The following SLC31A2 variants were observed in gnomAD, a reference collection of about 807,000 sequenced individuals.
The protein encoded by SLC31A2 is solute carrier family 31 member 2, also known as protein SLC31A2.
Under a neutral mutation model 14.4 loss-of-function variants are expected in SLC31A2, and 16 were observed. That is an observed-to-expected ratio of 1.11 (90% CI 0.75 to 1.69). SLC31A2 has a LOEUF of 1.69. Among genes scored for constraint, SLC31A2 ranks in the 40% most tolerant of loss-of-function variants. The pLI is 0.00. For synonymous variants in SLC31A2, 56 were observed against 68.7 expected (o/e 0.82, Z 0.91); for missense variants, 140 against 173.9 (o/e 0.81, Z 1.10).
rs1829862723 is a variant in SLC31A2, at chr9:113,151,382, TCCGGGGCCCCCGG to T, written c.6+305_6+317del. The stretch of plus-strand genomic sequence containing the variant: ...GGCGCGGTGGCTGAAGACAGCTGGG[TCCGGGGCCCCCGG>T]CCCCGGACCTCTGGCCGGCGCCCCA... On this transcript the variant is annotated intron_variant, in intron 1 of 3. Coordinates refer to ENST00000259392, the MANE Select transcript of SLC31A2 (RefSeq NM_001860.3). This position sits in a 1 kb window ranked among gnomAD's most constrained non-coding sequence, Gnocchi z 4.2. Among the ~76,000 whole-genome samples, 1 of 148,176 alleles carries T rather than the reference TCCGGGGCCCCCGG, an allele frequency of 6.7e-6. No individual in the cohort carries two copies.
chr9:113,162,706 C>A (rs990190225), intron 3 of SLC31A2, 43 bp from the exon 4 acceptor site: 1 of 1,568,688 alleles, frequency 6.4e-7, no homozygotes, highest in Non-Finnish European at 8.7e-7. Context: ...TTCCTCATTA[C>A]CAGCTCATTA....
In SLC31A2 at chr9:113,163,018, A is replaced by C. The variant is rs1587943632; in HGVS notation, c.*101A>C. 2 of 1,133,630 alleles carry C rather than the reference A, an allele frequency of 1.8e-6. No individual in the cohort carries two copies. The highest frequency in any genetic ancestry group is 2.4e-6 in the Non-Finnish European group (2 of 836,736). The allele number at this position is 1,133,630 out of a possible 1,614,324, so 70.2% of individuals were successfully genotyped here. The stretch of plus-strand genomic sequence containing the variant: ...CCTTTCTTCTGATGGCTATTCCTCC[A>C]CCTTATTCCCAGCCCCTGGAAACTT... On this transcript the variant is annotated 3_prime_UTR_variant, in exon 4 of 4. Transcript: ENST00000259392.
intron 1 of SLC31A2, among the ~76,000 whole-genome samples, chr9:113,153,514 C>G (rs1174389725): frequency 6.6e-6 from 1 of 152,180 alleles, no homozygotes; most frequent in Non-Finnish European, 1.5e-5. Flanking sequence ...CCAGAAAACT[C>G]TCTGGCTCTG....
At chr9:113,155,788 G>T (rs1284823227) in intron 1 of SLC31A2, among the ~76,000 whole-genome samples, 1 of 151,486 alleles carries the variant, frequency 6.6e-6, no homozygotes, top group African/African-American at 2.4e-5. Context: ...GGAAAAAAAG[G>T]CACTGGGGTT....
chr9:113,156,248 CTG>C (rs1246154830), intron 1 of SLC31A2: 10 of 441,728 alleles, frequency 2.3e-5, no homozygotes, highest in African/African-American at 1.8e-4. Flanking sequence ...TGAACAGAAA[CTG>C]AGAGTAACCC....
chr9:113,157,924 G>A (rs1829955196), intron 2 of SLC31A2, 131 bp downstream of exon 2: 1 of 728,768 alleles, frequency 1.4e-6, no homozygotes, highest in East Asian at 2.7e-5. Context: ...CACTGAGCAG[G>A]AACTTCACAG....
At chr9:113,158,095 CAGTA>C (rs1829957585) in intron 2 of SLC31A2, 1 of 510,124 alleles carries the variant, frequency 2.0e-6, no homozygotes. Flanking sequence ...CAGGGTCACA[CAGTA>C]AGTACGCATC....
chr9:113,162,955 A>C lies in SLC31A2; in HGVS notation c.*38A>C. 1.3e-6 allele frequency: 2 copies of C among 1,538,544 alleles called. No homozygotes were observed. The highest frequency in any genetic ancestry group is 1.8e-6 in the Non-Finnish European group (2 of 1,139,620). On this transcript the variant is annotated 3_prime_UTR_variant, in exon 4 of 4. Coordinates refer to ENST00000259392, the MANE Select transcript of SLC31A2 (RefSeq NM_001860.3). ...GTGCAGGCACTGAGGCTGGAGGGAC[A>C]TGGAGCCCCCTCTTCCAGACACTAT...
intron 1 of SLC31A2, among the ~76,000 whole-genome samples, chr9:113,153,237 G>T (rs1177209704): frequency 1.3e-5 from 2 of 151,272 alleles, no homozygotes; most frequent in African/African-American, 4.9e-5. Flanking sequence ...TGCCATTGGG[G>T]GTGGGGGGTA....
At chr9:113,161,791 A>T (rs1370204892) in intron 3 of SLC31A2, 93 bp downstream of exon 3, 1 of 1,379,220 alleles carries the variant, frequency 7.3e-7, no homozygotes, top group South Asian at 1.2e-5. Context: ...CTTCACAGAG[A>T]GGACAGCGAG....
intron 1 of SLC31A2, among the ~76,000 whole-genome samples, chr9:113,154,422 C>T (rs1190555712): frequency 1.3e-5 from 2 of 152,182 alleles, no homozygotes; most frequent in South Asian, 2.1e-4. Flanking sequence ...GACCGTGCCC[C>T]TAACCACTAG....
intron 3 of SLC31A2, chr9:113,162,199 C>T: frequency 3.5e-6 from 1 of 283,400 alleles, no homozygotes; most frequent in Non-Finnish European, 6.8e-6. Context: ...AATAAGCCTG[C>T]CCGCTCCATC....
intron 1 of SLC31A2, among the ~76,000 whole-genome samples, chr9:113,157,430 C>T (rs1829948400): frequency 6.6e-6 from 1 of 152,194 alleles, no homozygotes; most frequent in Non-Finnish European, 1.5e-5. Flanking sequence ...GGGGACATCC[C>T]CACATAGTCT....
chr9:113,161,214 CAAG>C (rs1256851020), intron 2 of SLC31A2: 1 of 412,644 alleles, frequency 2.4e-6, no homozygotes, highest in East Asian at 5.1e-5. Flanking sequence ...CATCACTTAA[CAAG>C]AAGTCACGAC....
intron 1 of SLC31A2, among the ~76,000 whole-genome samples, chr9:113,157,231 A>T (rs1407233391): frequency 2.6e-5 from 4 of 152,230 alleles, no homozygotes; most frequent in Admixed American, 2.6e-4. Context: ...ATGAGTAGGC[A>T]GATGTGGAGT....
intron 2 of SLC31A2, among the ~76,000 whole-genome samples, chr9:113,160,715 T>G (rs1830000358): frequency 1.3e-5 from 2 of 152,108 alleles, no homozygotes. Context: ...GGAGTGGGGC[T>G]GAAAGTGCCA....
At chr9:113,152,010 C>T (rs1328341723) in intron 1 of SLC31A2, 2 of 152,160 alleles carry the variant, frequency 1.3e-5, no homozygotes, top group Non-Finnish European at 2.9e-5. Flanking sequence ...AATGATCAGC[C>T]GTCCTTTAAA....
intron 2 of SLC31A2, chr9:113,161,166 T>G: frequency 4.5e-6 from 1 of 220,158 alleles, no homozygotes; most frequent in Non-Finnish European, 8.8e-6. Context: ...TCCAGACATT[T>G]TTTGCATACT....
chr9:113,157,380 G>A (rs962023215), intron 1 of SLC31A2, among the ~76,000 whole-genome samples: 9 of 151,752 alleles, frequency 5.9e-5, no homozygotes, highest in East Asian at 1.9e-4. Context: ...CTAGGGTCCC[G>A]GGGGGGTAAG....
Sources: gnomAD v4.1 joint callset for allele counts (sites outside exome capture counted in the v4.1 genomes callset) on GRCh38, gnomAD v4.1.1 for gene constraint, Gnocchi (gnomAD v3.1) non-coding constraint, MANE v1.5 for transcripts, NCBI Gene and HGNC (gene_info 2026-07-23, HGNC 2026-07-21) for gene names.